Variants in CCDC148 observed in about 807,000 individuals in gnomAD.
The protein encoded by CCDC148 is coiled-coil domain-containing protein 148.
CCDC148 carries 89 observed loss-of-function variants against 85.7 expected under a neutral mutation model. That is an observed-to-expected ratio of 1.04 (90% CI 0.87 to 1.24). The LOEUF is 1.24. CCDC148 is among the 50% of genes most tolerant of loss of function. The pLI is 0.00. For missense variants in CCDC148, 692 were observed against 671.7 expected, an observed-to-expected ratio of 1.03 and a Z score of -0.33; for synonymous variants, 230 against 213.9, an observed-to-expected ratio of 1.08 and a Z score of -0.66.
At chr2:158,180,878 A>G (rs1472852150) in intron 11 of CCDC148, among the ~76,000 whole-genome samples, 3 of 152,158 alleles carry the variant, frequency 2.0e-5, no homozygotes, top group African/African-American at 7.2e-5. Flanking sequence ...TTTGATGGCC[A>G]TGAGTGTTCT....
In CCDC148 at chr2:158,238,318, T is replaced by C. The variant is rs578093995; in HGVS notation, c.1251+12454A>G. Among the ~76,000 whole-genome samples the C allele has an allele frequency of 7.9e-5, 12 of 152,000 alleles. No individual in the cohort carries two copies. The East Asian group carries it at 2.3e-3, about 30-fold the overall frequency. ...GAGGGACTAGCCTTAGACAGGAGCA[T>C]GACACGTCATGCACTGTAAAAAGAG... On this transcript the variant is annotated intron_variant, in intron 10 of 13. Transcript: ENST00000283233.
At chr2:158,235,934 A>T (rs1574463278) in intron 10 of CCDC148, 1 of 152,212 alleles carries the variant, frequency 6.6e-6, no homozygotes, top group Non-Finnish European at 1.5e-5. Context: ...AGAAACAACT[A>T]TCCAAACCCC....
At chr2:158,233,807 A>T (rs1045108169) in intron 10 of CCDC148, among the ~76,000 whole-genome samples, 2 of 152,084 alleles carry the variant, frequency 1.3e-5, no homozygotes, top group South Asian at 4.1e-4. Flanking sequence ...TTCAGCCAAC[A>T]TTACCTCTTC....
chr2:158,216,234 T>C (rs2105296989), intron 11 of CCDC148, among the ~76,000 whole-genome samples: 1 of 152,218 alleles, frequency 6.6e-6, no homozygotes, highest in South Asian at 2.1e-4. Flanking sequence ...AGGGTAGTGG[T>C]TAAGGGCACT....
At chr2:158,305,746 CCTGT>C (rs1210478505) in intron 9 of CCDC148, among the ~76,000 whole-genome samples, 2 of 122,168 alleles carry the variant, frequency 1.6e-5, no homozygotes, top group East Asian at 5.0e-4. Flanking sequence ...AGAATGAAAC[CCTGT>C]CTCTTAAAAA....
At chr2:158,279,409 A>G (rs1690144627) in intron 9 of CCDC148, among the ~76,000 whole-genome samples, 1 of 152,226 alleles carries the variant, frequency 6.6e-6, no homozygotes, top group African/African-American at 2.4e-5. Flanking sequence ...AACAAGAATA[A>G]CTAATACAGA....
At chr2:158,296,078 G>A (rs1691174309) in intron 9 of CCDC148, among the ~76,000 whole-genome samples, 1 of 152,162 alleles carries the variant, frequency 6.6e-6, no homozygotes, top group Non-Finnish European at 1.5e-5. Context: ...CAATTTTGAA[G>A]ATGTCCAATT....
rs1686321894 is a variant in CCDC148 at position 158,412,830 on chromosome 2, TTATTATTATTATTATTATTA to T, written c.25+43565_25+43584del. ...ACCTTTATAGCAATATAAGTATTTA[TTATTATTATTATTATTATTA>T]TTATTATTATTATTATTATACTTTA... On this transcript the variant is annotated intron_variant, in intron 1 of 13. Transcript: ENST00000283233. Among the ~76,000 whole-genome samples, 9 of 26,790 alleles carry T rather than the reference TTATTATTATTATTATTATTA, an allele frequency of 3.4e-4. No individual in the cohort carries two copies. The East Asian group carries it at 0.013, about 40-fold the overall frequency. 17.6% of individuals were successfully genotyped at this position (26,790 alleles called of 152,430 possible). A position where few individuals can be genotyped will look rare whatever the true frequency, so the allele number is the denominator to read the frequency against.
intron 7 of CCDC148, among the ~76,000 whole-genome samples, chr2:158,332,297 T>C (rs887567916): frequency 6.6e-6 from 1 of 151,666 alleles, no homozygotes; most frequent in Non-Finnish European, 1.5e-5. Flanking sequence ...AAATTCTGGG[T>C]TGAAAATTCT....
intron 9 of CCDC148, among the ~76,000 whole-genome samples, chr2:158,261,962 C>A (rs1369307072): frequency 2.6e-5 from 4 of 152,038 alleles, no homozygotes; most frequent in African/African-American, 9.7e-5. Flanking sequence ...ATGGTGATTC[C>A]TCAGAGAGCT....
In CCDC148 at chr2:158,433,259, CAAATATAT is replaced by C. The variant is rs1018234920; in HGVS notation, c.25+23148_25+23155del. Among the ~76,000 whole-genome samples the C allele has an allele frequency of 9.4e-5, 8 of 85,020 alleles. 1 individual carries two copies. The highest frequency in any genetic ancestry group is 2.7e-4 in the African/African-American group (8 of 29,418). The allele number at this position is 85,020 out of a possible 152,430, so 55.8% of individuals were successfully genotyped here. Reference sequence around the variant, plus strand: ...GGGGCAACAGAGTAAGTCCTTGACTCAAATATATATATATATATAAAACAAAAGCACAA... The same window carrying C: ...GGGGCAACAGAGTAAGTCCTTGACTCATATATATATAAAACAAAAGCACAA... On this transcript the variant is annotated intron_variant, in intron 1 of 13. Transcript: ENST00000283233.
intron 1 of CCDC148, among the ~76,000 whole-genome samples, chr2:158,417,030 G>T (rs138183091): frequency 6.6e-6 from 1 of 152,116 alleles, no homozygotes; most frequent in Non-Finnish European, 1.5e-5. Context: ...AGGGAGAGGT[G>T]CTATACACTT....
In CCDC148 at chr2:158,209,003, C is replaced by T. The variant is rs186165698; in HGVS notation, c.1370+11592G>A. 3.0e-3 allele frequency among the ~76,000 whole-genome samples: 458 copies of T among 151,582 alleles called. 9 individuals are homozygous for T. Among genetic ancestry groups the T allele is most frequent in the African/African-American group, 0.011 (442 of 41,342 alleles). ...TGCTCCCTTCATTAACCTTCTAATT[C>T]TTATTTAATATCATCTGATGGCTGT... On this transcript the variant is annotated intron_variant, in intron 11 of 13. Transcript: ENST00000283233.
At chr2:158,406,974 TAATACAAG>T (rs1299063335) in intron 1 of CCDC148, among the ~76,000 whole-genome samples, 2 of 152,114 alleles carry the variant, frequency 1.3e-5, no homozygotes, top group Non-Finnish European at 2.9e-5. Context: ...TTGTATAGAT[TAATACAAG>T]TGTGGCTTCT....
intron 1 of CCDC148, among the ~76,000 whole-genome samples, chr2:158,385,552 G>T (rs1216760745): frequency 6.6e-6 from 1 of 152,134 alleles, no homozygotes; most frequent in Non-Finnish European, 1.5e-5. Context: ...TAAGGAAATA[G>T]ACATTGGTAG....
At chr2:158,327,621 T>C (rs1163027995) in intron 7 of CCDC148, among the ~76,000 whole-genome samples, 1 of 152,224 alleles carries the variant, frequency 6.6e-6, no homozygotes, top group African/African-American at 2.4e-5. Flanking sequence ...AAATGCTTAA[T>C]ATAACACAGC....
intron 1 of CCDC148, among the ~76,000 whole-genome samples, chr2:158,434,092 G>A (rs1020238158): frequency 4.6e-5 from 7 of 152,292 alleles, no homozygotes; most frequent in South Asian, 2.1e-4. Context: ...AAACTTAAAC[G>A]TCCCTGTCTG....
intron 9 of CCDC148, among the ~76,000 whole-genome samples, chr2:158,286,261 A>G (rs1690619897): frequency 6.6e-6 from 1 of 152,232 alleles, no homozygotes; most frequent in Non-Finnish European, 1.5e-5. Context: ...CTGCAAAGAA[A>G]CAATAAAACT....
intron 1 of CCDC148, among the ~76,000 whole-genome samples, chr2:158,363,708 T>C (rs1684070496): frequency 6.6e-6 from 1 of 152,186 alleles, no homozygotes; most frequent in African/African-American, 2.4e-5. Flanking sequence ...ACCAATATCA[T>C]ACTGAATGGG....
Sources: gnomAD v4.1 joint callset for allele counts (sites outside exome capture counted in the v4.1 genomes callset) on GRCh38, gnomAD v4.1.1 for gene constraint, MANE v1.5 for transcripts, NCBI Gene and HGNC (gene_info 2026-07-23, HGNC 2026-07-21) for gene names.